Variants in MSRB3 observed in about 807,000 individuals in gnomAD.
MSRB3 encodes methionine sulfoxide reductase B3.
MSRB3 carries 13 observed loss-of-function variants against 21.0 expected under a neutral mutation model. The ratio of observed to expected loss-of-function variants is 0.62; its 90% CI spans 0.40 to 0.98. The LOEUF (loss-of-function observed/expected upper bound fraction) is 0.98, where lower values mean the gene tolerates loss of function less well. Among genes scored for constraint, MSRB3 ranks in the 50% least tolerant of loss-of-function variants. MSRB3 has a pLI of 0.00. For synonymous variants in MSRB3, 87 were observed against 88.6 expected (o/e 0.98, Z 0.10); for missense variants, 199 against 230.3 (o/e 0.86, Z 0.88).
chr12:65,360,050 T>C (rs1877611335), intron 4 of MSRB3, among the ~76,000 whole-genome samples: 1 of 152,094 alleles, frequency 6.6e-6, no homozygotes, highest in Admixed American at 6.6e-5. Flanking sequence ...GGTTATCTTC[T>C]CCCTGTGTCT....
At chr12:65,458,644 G>T (rs893686170) in intron 6 of MSRB3, among the ~76,000 whole-genome samples, 1 of 152,096 alleles carries the variant, frequency 6.6e-6, no homozygotes, top group Non-Finnish European at 1.5e-5. Context: ...TCTGATTTCT[G>T]TTGCAATTTT....
At chr12:65,379,650 G>C (rs1265078886) in intron 5 of MSRB3, among the ~76,000 whole-genome samples, 2 of 152,152 alleles carry the variant, frequency 1.3e-5, no homozygotes, top group African/African-American at 2.4e-5. Flanking sequence ...GGTGGCTTTT[G>C]CTCCATATCA....
chr12:65,375,253 C>T (rs778331972), intron 5 of MSRB3, among the ~76,000 whole-genome samples: 1 of 152,186 alleles, frequency 6.6e-6, no homozygotes, highest in East Asian at 1.9e-4. Flanking sequence ...TGGCTAAGTG[C>T]TGAGGTTTGG....
intron 5 of MSRB3, among the ~76,000 whole-genome samples, chr12:65,383,008 A>T (rs1879025305): frequency 6.6e-6 from 1 of 152,130 alleles, no homozygotes; most frequent in African/African-American, 2.4e-5. Flanking sequence ...TATGCATTTT[A>T]TGCAATTTAA....
Position 65,347,912 on chromosome 12 carries a change from G to T in MSRB3, c.263+19309G>T, listed in dbSNP as rs544189824. On this transcript the variant is annotated intron_variant, in intron 4 of 6. Transcript: ENST00000308259. ...TTACTGATTTGCGTATGTTGAACCA[G>T]CCTTGTATCTCAGGGATGAAGCCCA... 2.6e-5 allele frequency among the ~76,000 whole-genome samples: 4 copies of T among 152,324 alleles called. No homozygotes were observed. The East Asian group carries it at 5.8e-4, about 22-fold the overall frequency.
At chr12:65,393,214 A>C (rs1373150855) in intron 5 of MSRB3, among the ~76,000 whole-genome samples, 1 of 152,068 alleles carries the variant, frequency 6.6e-6, no homozygotes, top group African/African-American at 2.4e-5. Flanking sequence ...TTGTCACTTA[A>C]ATTTATGCAT....
chr12:65,341,567 A>G (rs1876145291), intron 4 of MSRB3, among the ~76,000 whole-genome samples: 1 of 152,054 alleles, frequency 6.6e-6, no homozygotes, highest in South Asian at 2.1e-4. Context: ...CTAAAAGAGT[A>G]TAATTGGGTT....
At chr12:65,316,958 G>C (rs908732431) in intron 2 of MSRB3, among the ~76,000 whole-genome samples, 2 of 152,124 alleles carry the variant, frequency 1.3e-5, no homozygotes, top group African/African-American at 4.8e-5. Context: ...GATGGGGGTA[G>C]GGGTGGATTG....
intron 4 of MSRB3, among the ~76,000 whole-genome samples, chr12:65,341,395 G>A (rs1876130001): frequency 6.6e-6 from 1 of 151,798 alleles, no homozygotes; most frequent in African/African-American, 2.4e-5. Context: ...GTAGAAGGAT[G>A]GTTACCAGAG....
chr12:65,329,422 G>A (rs370581165), intron 4 of MSRB3, among the ~76,000 whole-genome samples: 190 of 152,220 alleles, frequency 1.2e-3, no homozygotes, highest in African/African-American at 4.4e-3. Flanking sequence ...GGCCAAGACG[G>A]GTGCATCACT....
chr12:65,309,575 A>G (rs1018662166), intron 2 of MSRB3, among the ~76,000 whole-genome samples: 1 of 152,100 alleles, frequency 6.6e-6, no homozygotes, highest in Non-Finnish European at 1.5e-5. Flanking sequence ...ACTAGACTAG[A>G]GGTATTTATA....
intron 5 of MSRB3, among the ~76,000 whole-genome samples, chr12:65,384,096 T>C (rs1879088733): frequency 6.6e-6 from 1 of 152,252 alleles, no homozygotes; most frequent in Non-Finnish European, 1.5e-5. Context: ...CCCTATTTTG[T>C]AACCAGTTTT....
At chr12:65,375,818 T>C (rs1212231710) in intron 5 of MSRB3, among the ~76,000 whole-genome samples, 1 of 152,102 alleles carries the variant, frequency 6.6e-6, no homozygotes, top group Non-Finnish European at 1.5e-5. Context: ...TTTTTAAATT[T>C]CCAAATTTTC....
intron 5 of MSRB3, chr12:65,420,095 G>A (rs963681525): frequency 4.0e-5 from 18 of 448,260 alleles, no homozygotes; most frequent in African/African-American, 3.5e-4. Context: ...TATGGTGTGA[G>A]ATGAGGCTCT....
At chr12:65,406,371 G>A (rs1050568233) in intron 5 of MSRB3, among the ~76,000 whole-genome samples, 25 of 152,204 alleles carry the variant, frequency 1.6e-4, no homozygotes, top group African/African-American at 6.0e-4. Flanking sequence ...AAATACTTAG[G>A]AATAAATTTA....
At chr12:65,456,463 C>A (rs1883094987) in intron 6 of MSRB3, among the ~76,000 whole-genome samples, 1 of 152,188 alleles carries the variant, frequency 6.6e-6, no homozygotes, top group African/African-American at 2.4e-5. Flanking sequence ...AGATGTCCTA[C>A]AGTGACCAAA....
chr12:65,453,417 G>A (rs138403016), intron 5 of MSRB3, among the ~76,000 whole-genome samples: 1 of 152,294 alleles, frequency 6.6e-6, no homozygotes, highest in East Asian at 1.9e-4. Context: ...GAAGACAAGA[G>A]AAAGAGTGGT....
At chr12:65,388,377 T>C (rs932984032) in intron 5 of MSRB3, among the ~76,000 whole-genome samples, 1 of 151,604 alleles carries the variant, frequency 6.6e-6, no homozygotes, top group Non-Finnish European at 1.5e-5. Context: ...GGGAACAGGA[T>C]CCGGAGTTCA....
At chr12:65,413,656 A>G (rs1592613600) in intron 5 of MSRB3, among the ~76,000 whole-genome samples, 1 of 152,244 alleles carries the variant, frequency 6.6e-6, no homozygotes, top group Non-Finnish European at 1.5e-5. Flanking sequence ...GTTAGTAAAC[A>G]AAACAGACAA....
Sources: allele counts gnomAD v4.1 joint callset (sites outside exome capture counted in the v4.1 genomes callset), GRCh38; gene constraint gnomAD v4.1.1; transcripts MANE v1.5; gene names NCBI Gene and HGNC (gene_info 2026-07-23, HGNC 2026-07-21).